Variants in TMPRSS15 observed in about 807,000 individuals in gnomAD.
TMPRSS15 encodes the protein transmembrane serine protease 15.
Under a neutral mutation model 125.3 loss-of-function variants are expected in TMPRSS15, and 128 were observed. That is an observed-to-expected ratio of 1.02 (90% confidence interval 0.89 to 1.18). TMPRSS15 has a LOEUF of 1.18. Among genes scored for constraint, TMPRSS15 ranks in the 50% most tolerant of loss-of-function variants. The pLI is 0.00. For missense variants in TMPRSS15, 1,283 were observed against 1,212.7 expected (o/e 1.06, Z -0.86); for synonymous variants, 446 against 423.2 (o/e 1.05, Z -0.66).
chr21:18,378,539 A>G (rs1317041200), intron 5 of TMPRSS15, among the ~76,000 whole-genome samples: 1 of 152,054 alleles, frequency 6.6e-6, no homozygotes, highest in African/African-American at 2.4e-5. Context: ...GGCTTTTATA[A>G]TTTTACAAAT....
At chr21:18,327,287 C>A (rs957989344) in intron 15 of TMPRSS15, among the ~76,000 whole-genome samples, 1 of 151,952 alleles carries the variant, frequency 6.6e-6, no homozygotes. Context: ...TGAAATGATA[C>A]GTTTTAATTT....
At chr21:18,485,602 G>C (rs1011190624) in intron 1 of TMPRSS15, among the ~76,000 whole-genome samples, 1 of 151,764 alleles carries the variant, frequency 6.6e-6, no homozygotes. Context: ...TAATTACATA[G>C]TTTCTCTTCT....
chr21:18,351,505 A>G (rs2075568529), intron 10 of TMPRSS15, among the ~76,000 whole-genome samples: 1 of 152,032 alleles, frequency 6.6e-6, no homozygotes, highest in African/African-American at 2.4e-5. Context: ...CATAATGGTG[A>G]GTTCCCACAA....
intron 5 of TMPRSS15, among the ~76,000 whole-genome samples, chr21:18,378,967 T>C (rs1470600615): frequency 6.6e-6 from 1 of 152,092 alleles, no homozygotes; most frequent in Non-Finnish European, 1.5e-5. Flanking sequence ...CCCTAATATC[T>C]GATAAAATCT....
intron 3 of TMPRSS15, 24 bp from the exon 4 acceptor site, chr21:18,383,802 G>A (rs768708209): frequency 1.9e-6 from 3 of 1,609,316 alleles, no homozygotes; most frequent in Admixed American, 1.7e-5. Flanking sequence ...GAGGATATAA[G>A]AGGAAAAAGT....
chr21:18,372,432 C>CATACTTACTTATAAG, intron 5 of TMPRSS15, 108 bp from the exon 6 acceptor site: 1 of 893,162 alleles, frequency 1.1e-6, no homozygotes, highest in Non-Finnish European at 1.8e-6. Context: ...GTATGTTCTT[C>CATACTTACTTATAAG]AACTGCCATA....
chr21:18,455,097 A>G (rs527383344), intron 1 of TMPRSS15, among the ~76,000 whole-genome samples: 1 of 152,032 alleles, frequency 6.6e-6, no homozygotes, highest in South Asian at 2.1e-4. Context: ...TGGTTTTATA[A>G]GGGTTTTTTT....
At chr21:18,391,298 C>A (rs1238127015) in intron 3 of TMPRSS15, among the ~76,000 whole-genome samples, 12 of 152,178 alleles carry the variant, frequency 7.9e-5, no homozygotes, top group Admixed American at 5.9e-4. Context: ...GGCTCTTCTG[C>A]CTATGAGTAT....
At chr21:18,485,742 T>A (rs1979067156) in intron 1 of TMPRSS15, 1 of 21,600 alleles carries the variant, frequency 4.6e-5, no homozygotes, top group African/African-American at 5.6e-4. Context: ...ACACTGCTAA[T>A]AAAGACATAC....
At chr21:18,307,093 A>G (rs2075046446) in intron 18 of TMPRSS15, among the ~76,000 whole-genome samples, 1 of 152,174 alleles carries the variant, frequency 6.6e-6, no homozygotes, top group Non-Finnish European at 1.5e-5. Context: ...TAAACTCACT[A>G]AGTTTTCTTT....
chr21:18,471,201 TAATAAC>T (rs1978772731), intron 1 of TMPRSS15, among the ~76,000 whole-genome samples: 1 of 151,994 alleles, frequency 6.6e-6, no homozygotes, highest in South Asian at 2.1e-4. Flanking sequence ...CTGGTTTTGA[TAATAAC>T]AACAACAACA....
chr21:18,323,901 C>T (rs992902097), intron 16 of TMPRSS15, among the ~76,000 whole-genome samples: 2 of 152,046 alleles, frequency 1.3e-5, no homozygotes, highest in African/African-American at 4.8e-5. Context: ...GGGATTTTCT[C>T]CTTAAAACAT....
chr21:18,410,912 A>G (rs2076164417), intron 1 of TMPRSS15, among the ~76,000 whole-genome samples: 1 of 152,144 alleles, frequency 6.6e-6, no homozygotes, highest in South Asian at 2.1e-4. Flanking sequence ...ATTAATATAG[A>G]TGTTATAAAA....
Position 18,360,029 on chromosome 21 carries a change from A to G in TMPRSS15, c.774-166T>C, listed in dbSNP as rs559919561. On this transcript the variant is annotated intron_variant, in intron 7 of 24. Coordinates refer to ENST00000284885, the MANE Select transcript of TMPRSS15 (RefSeq NM_002772.3). ...TGCAGTATTGCCGGTTATGAACACAATGATGTACAGCAGATCTCTAGAACT... is the reference window on the plus strand; with the variant it reads ...TGCAGTATTGCCGGTTATGAACACAGTGATGTACAGCAGATCTCTAGAACT... Among the ~76,000 whole-genome samples the G allele has an allele frequency of 4.5e-4, 68 of 152,188 alleles. 1 individual carries two copies. In the South Asian group the frequency reaches 0.013, roughly 30 times the overall value.
At position 18,280,593 on chromosome 21, in the gene TMPRSS15, A is replaced by AAAAAAAAAAAAAC. The variant is rs1267521488; in HGVS notation, c.2668+446_2668+447insGTTTTTTTTTTTT. On this transcript the variant is annotated intron_variant, in intron 22 of 24. Transcript: ENST00000284885. ...TCCGTCTCAAAAAAAAAAAAAAAAA[A>AAAAAAAAAAAAAC]AACAACAAAACAACAAAAAACCAAA... Among the ~76,000 whole-genome samples, 853 of 143,400 alleles carry AAAAAAAAAAAAAC rather than the reference A, an allele frequency of 5.9e-3. 20 individuals carry two copies. The highest frequency in any genetic ancestry group is 0.023 in the African/African-American group (801 of 35,340). The allele number at this position is 143,400 out of a possible 152,430, so 94.1% of individuals were successfully genotyped here.
chr21:18,382,911 T>C (rs2075905968), intron 4 of TMPRSS15, among the ~76,000 whole-genome samples: 1 of 152,168 alleles, frequency 6.6e-6, no homozygotes, highest in Non-Finnish European at 1.5e-5. Context: ...ATTTTTGATG[T>C]TCCATATTTC....
chr21:18,457,301 T>C (rs966566749), intron 1 of TMPRSS15, among the ~76,000 whole-genome samples: 2 of 152,118 alleles, frequency 1.3e-5, no homozygotes, highest in Non-Finnish European at 2.9e-5. Flanking sequence ...TCTTAAAATA[T>C]TTGAGGCTTT....
In TMPRSS15 at chr21:18,305,278, T is replaced by C. The variant is rs1471575423; in HGVS notation, c.2166-7449A>G. ...ATCTCGGCTCACTGCAAGCTCCGCC[T>C]CCCGGGTTCACGCCATTCTCCTGCC... On this transcript the variant is annotated intron_variant, in intron 18 of 24. Coordinates refer to ENST00000284885, the MANE Select transcript of TMPRSS15 (RefSeq NM_002772.3). Among the ~76,000 whole-genome samples the C allele has an allele frequency of 3.6e-5, 5 of 137,226 alleles. No homozygotes were observed. In the East Asian group the frequency reaches 1.2e-3, roughly 32 times the overall value. The allele number at this position is 137,226 out of a possible 152,430, so 90.0% of individuals were successfully genotyped here.
rs1380185922 is a variant in TMPRSS15, at chr21:18,269,365, A to ACTT, written c.*601_*603dup. The ACTT allele has an allele frequency of 6.6e-6, 1 of 152,214 alleles. No homozygotes were observed. Among genetic ancestry groups the ACTT allele is most frequent in the Non-Finnish European group, 1.5e-5 (1 of 68,066 alleles). 9.4% of individuals were successfully genotyped at this position (152,214 alleles called of 1,614,324 possible). On this transcript the variant is annotated 3_prime_UTR_variant, in exon 25 of 25. Coordinates refer to ENST00000284885, the MANE Select transcript of TMPRSS15 (RefSeq NM_002772.3). ...AGTTAATTTATCTTTTATTTAATTA[A>ACTT]CTTATTTAAGAGGAACGTAAAATCA...
Sources: gnomAD v4.1 joint callset for allele counts (sites outside exome capture counted in the v4.1 genomes callset) on GRCh38, gnomAD v4.1.1 for gene constraint, MANE v1.5 for transcripts, NCBI Gene and HGNC (gene_info 2026-07-23, HGNC 2026-07-21) for gene names.